Variants in INKA2 observed in about 807,000 individuals in gnomAD.
The protein encoded by INKA2 is PAK4-inhibitor INKA2.
In INKA2, 3 loss-of-function variants were observed where a neutral mutation model predicts 9.8. The ratio of observed to expected loss-of-function variants is 0.31; its 90% CI spans 0.14 to 0.79. The LOEUF (loss-of-function observed/expected upper bound fraction) is 0.79, where lower values mean the gene tolerates loss of function less well. INKA2 is among the 30% of genes least tolerant of loss of function. INKA2 has a pLI of 0.62. For synonymous variants in INKA2, 147 were observed against 143.3 expected (o/e 1.03, Z -0.18); for missense variants, 392 against 384.4 (o/e 1.02, Z -0.17).
At chr1:111,752,128 G>A (rs1398766463) in intron 1 of INKA2, among the ~76,000 whole-genome samples, 1 of 152,168 alleles carries the variant, frequency 6.6e-6, no homozygotes, top group African/African-American at 2.4e-5. Context: ...CGTGATGACT[G>A]GAACTACAGC....
upstream of INKA2, among the ~76,000 whole-genome samples, chr1:111,743,629 C>T (rs1663197616): frequency 6.6e-6 from 1 of 152,216 alleles, no homozygotes. Context: ...CCCTATCCAC[C>T]AGGTCCTAGC....
chr1:111,732,027 G>A (rs2101364493), intron 1 of INKA2, among the ~76,000 whole-genome samples: 1 of 152,358 alleles, frequency 6.6e-6, no homozygotes, highest in South Asian at 2.1e-4. Flanking sequence ...CGACACTGAA[G>A]GGCAAGAAGG....
chr1:111,754,709 T>C (rs1156363916), intron 1 of INKA2: 1 of 152,198 alleles, frequency 6.6e-6, no homozygotes, highest in African/African-American at 2.4e-5. Context: ...TATTTAAATT[T>C]GGCATGATGA....
chr1:111,743,687 T>C (rs197394), upstream of INKA2, among the ~76,000 whole-genome samples: 21,579 of 152,180 alleles, frequency 0.14, 1,730 homozygotes, highest in African/African-American at 0.22. Context: ...GCTTCTCATC[T>C]CTACTGGCAA....
rs569665242 is a variant in INKA2 at position 111,722,103 on chromosome 1, G to A, written c.*4865C>T. On this transcript the variant is annotated 3_prime_UTR_variant, in exon 2 of 2. Transcript: ENST00000357260. ...CTGTTTATTTTAGGGGTTGGGTGGA[G>A]GAGGCAAAAGGAAGGCAAGGGACAT... The A allele has an allele frequency of 1.3e-5, 2 of 152,332 alleles. No homozygotes were observed. The highest frequency in any genetic ancestry group is 2.9e-5 in the Non-Finnish European group (2 of 68,130). The allele number at this position is 152,332 out of a possible 1,614,324, so 9.4% of individuals were successfully genotyped here.
Position 111,726,167 on chromosome 1 carries a change from G to A in INKA2, c.*801C>T. The A allele has an allele frequency of 2.5e-6, 1 of 398,336 alleles. No individual in the cohort carries two copies. The highest frequency in any genetic ancestry group is 3.6e-5 in the East Asian group (1 of 28,064). 24.7% of individuals were successfully genotyped at this position (398,336 alleles called of 1,614,324 possible). A position where few individuals can be genotyped will look rare whatever the true frequency, so the allele number is the denominator to read the frequency against. Reference sequence around the variant, plus strand: ...CTGGACATGTAGCATATCTAGGCTTGTTTCCTTATCTGGAAAATGGGATCA... The same window carrying A: ...CTGGACATGTAGCATATCTAGGCTTATTTCCTTATCTGGAAAATGGGATCA... On this transcript the variant is annotated 3_prime_UTR_variant, in exon 2 of 2. Transcript: ENST00000357260.
chr1:111,750,116 C>T (rs1458512595), intron 1 of INKA2, among the ~76,000 whole-genome samples: 2 of 152,230 alleles, frequency 1.3e-5, no homozygotes, highest in African/African-American at 4.8e-5. Context: ...AAGACTGAGG[C>T]AGTGGTGTTA....
rs780952357 is a variant in INKA2 at position 111,726,986 on chromosome 1, G to A, written c.876C>T (p.Asn292=). 2.5e-6 allele frequency: 4 copies of A among 1,613,706 alleles called. No homozygotes were observed. The highest frequency in any genetic ancestry group is 2.5e-6 in the Non-Finnish European group (3 of 1,179,882). ...CTAGGATTCAGACCCAAACAGCTGT[G>A]TTAATATCAAATCCTGAGGGTGAGT... ...LEHSPSGFDI[N]TAVWV Residue 292 remains asparagine, a synonymous_variant, in exon 2 of 2, where the codon AAC becomes AAT. Transcript: ENST00000357260.
In INKA2 at chr1:111,723,186, T is replaced by A. The variant is rs769521492; in HGVS notation, c.*3782A>T. On this transcript the variant is annotated 3_prime_UTR_variant, in exon 2 of 2. Transcript: ENST00000357260. The stretch of plus-strand genomic sequence containing the variant: ...GGGACAAGGTGTGCTCTTGCTCTTG[T>A]CCAGACCACGTAGGAAACGATGGTG... 8 of 644,364 alleles carry A rather than the reference T, an allele frequency of 1.2e-5. No homozygotes were observed. In the East Asian group the frequency reaches 2.3e-4, roughly 18 times the overall value. 39.9% of individuals were successfully genotyped at this position (644,364 alleles called of 1,614,324 possible).
At position 111,727,130 on chromosome 1, in the gene INKA2, G is replaced by A. The variant is rs201298804; in HGVS notation, c.732C>T (p.Arg244=). 2.5e-6 allele frequency: 4 copies of A among 1,614,114 alleles called. No homozygotes were observed. The highest frequency in any genetic ancestry group is 3.4e-6 in the Non-Finnish European group (4 of 1,180,044). Reference sequence around the variant, plus strand: ...GGCTCCGCTTCTTGACCTTCTGTGAGCGGCCGGTTCGGGACTCAGGGACCA... The same window carrying A: ...GGCTCCGCTTCTTGACCTTCTGTGAACGGCCGGTTCGGGACTCAGGGACCA... ...TPMVPESRTG[R]SQKVKKRSLS... Residue 244 remains arginine (R), a synonymous_variant, in exon 2 of 2, where the codon CGC becomes CGT. Transcript: ENST00000357260.
chr1:111,726,865 A>C lies in INKA2; in HGVS notation c.*103T>G. The C allele has an allele frequency of 4.3e-6, 5 of 1,150,240 alleles. No homozygotes were observed. Among genetic ancestry groups the C allele is most frequent in the Non-Finnish European group, 6.2e-6 (5 of 800,392 alleles). 71.3% of individuals were successfully genotyped at this position (1,150,240 alleles called of 1,614,324 possible). ...CGCTTTCTGGGGGAAAGGAACTTGGAGTTGGGCTTTCGAGAGCCATACCGC... is the reference window on the plus strand; with the variant it reads ...CGCTTTCTGGGGGAAAGGAACTTGGCGTTGGGCTTTCGAGAGCCATACCGC... On this transcript the variant is annotated 3_prime_UTR_variant, in exon 2 of 2. Transcript: ENST00000357260.
At chr1:111,730,783 G>A (rs1331411865) in intron 1 of INKA2, among the ~76,000 whole-genome samples, 2 of 152,048 alleles carry the variant, frequency 1.3e-5, no homozygotes, top group African/African-American at 4.8e-5. Flanking sequence ...TTGAGGACAG[G>A]GGCTGAGATC....
chr1:111,755,683 C>T lies in INKA2; in HGVS notation n.124+18G>A, dbSNP rs563012378. The T allele has an allele frequency of 9.9e-6, 16 of 1,613,528 alleles. No individual in the cohort carries two copies. In the South Asian group the frequency reaches 1.8e-4, roughly 18 times the overall value. On this transcript the variant is annotated intron_variant and non_coding_transcript_variant, in intron 1 of 1. Transcript: ENST00000444059. ...GCAGGCCCGCGGCGCCCTCTGCAGG[C>T]CACAGGCAGCGACTCACCAGTTGCC...
rs1357581452 is a variant in INKA2, at chr1:111,723,366, A to G, written c.*3602T>C. ...AGGGAAGTGTCTGAGGGAGAGGGAA[A>G]AGAGAGGTCCCAAGTCTGAAAGGTT... On this transcript the variant is annotated 3_prime_UTR_variant, in exon 2 of 2. Coordinates refer to ENST00000357260, the MANE Select transcript of INKA2 (RefSeq NM_019099.5). The G allele has an allele frequency of 2.2e-6, 1 of 452,928 alleles. No individual in the cohort carries two copies. Among genetic ancestry groups the G allele is most frequent in the Non-Finnish European group, 3.9e-6 (1 of 257,028 alleles). The allele number at this position is 452,928 out of a possible 1,614,324, so 28.1% of individuals were successfully genotyped here.
In INKA2 at chr1:111,727,066, C is replaced by T. The variant is rs185732568; in HGVS notation, c.796G>A (p.Gly266Arg). The change falls in exon 2 of 2, where the codon GGG (glycine) becomes AGG (arginine). Residue 266 changes from glycine (G) to arginine (R), a missense_variant. Transcript: ENST00000357260. ...GSGHFPFPGT[G>R]EHRRGENPPT... ...GGATTCTCCCCTCGCCTGTGCTCCC[C>T]GGTGCCTGGGAAGGGGAAATGTCCA... 4.9e-5 allele frequency: 79 copies of T among 1,614,096 alleles called. 1 individual carries two copies. In the East Asian group the frequency reaches 7.8e-4, roughly 16 times the overall value.
At chr1:111,731,214 A>G (rs1662898046) in intron 1 of INKA2, among the ~76,000 whole-genome samples, 2 of 152,238 alleles carry the variant, frequency 1.3e-5, no homozygotes, top group East Asian at 1.9e-4. Context: ...CTGAAACTGC[A>G]CCCATCTGCA....
chr1:111,727,597 T>C lies in INKA2; in HGVS notation c.265A>G (p.Thr89Ala). ...WEGGRGPARP[T>A]VCSPSSQPSL... The stretch of plus-strand genomic sequence containing the variant: ...GGTTGACTGGAGGGGGAACAGACTG[T>C]GGGCCTGGCAGGACCTCTGCCACCC... The change falls in exon 2 of 2, where the codon ACA becomes GCA. Residue 89 changes from threonine (T) to alanine (A), a missense_variant. Coordinates refer to ENST00000357260, the MANE Select transcript of INKA2 (RefSeq NM_019099.5). 1 of 1,610,820 alleles carries C rather than the reference T, an allele frequency of 6.2e-7. No individual in the cohort carries two copies. The highest frequency in any genetic ancestry group is 1.1e-5 in the South Asian group (1 of 90,568).
chr1:111,751,218 T>C (rs894840407), intron 1 of INKA2, among the ~76,000 whole-genome samples: 1 of 152,266 alleles, frequency 6.6e-6, no homozygotes, highest in Non-Finnish European at 1.5e-5. Context: ...CTTCCATACA[T>C]ACTTGAAGCA....
At chr1:111,736,000 G>T (rs532814752) in intron 1 of INKA2, among the ~76,000 whole-genome samples, 2 of 152,300 alleles carry the variant, frequency 1.3e-5, no homozygotes, top group African/African-American at 4.8e-5. Flanking sequence ...GATGCCCTGT[G>T]AGCATCGTAC....
Sources: gnomAD v4.1 joint callset for allele counts (sites outside exome capture counted in the v4.1 genomes callset) on GRCh38, gnomAD v4.1.1 for gene constraint, MANE v1.5 for transcripts, NCBI Gene and HGNC (gene_info 2026-07-23, HGNC 2026-07-21) for gene names.